Variants in NSG2 observed in about 807,000 individuals in gnomAD.
NSG2 encodes the protein neuronal vesicle trafficking-associated protein 2.
Under a neutral mutation model 16.9 loss-of-function variants are expected in NSG2, and 4 were observed. The ratio of observed to expected loss-of-function variants is 0.24; its 90% CI spans 0.12 to 0.54. The LOEUF is 0.54. Ranked by LOEUF, NSG2 falls within the 20% of genes least tolerant of loss-of-function variation. NSG2 has a pLI of 0.95. For synonymous variants in NSG2, 98 were observed against 88.7 expected (o/e 1.11, Z -0.59); for missense variants, 179 against 221.1 (o/e 0.81, Z 1.21).
Position 174,104,256 on chromosome 5 carries a change from C to T in NSG2, c.242C>T (p.Ala81Val), listed in dbSNP as rs960281969. 6.2e-7 allele frequency: 1 copy of T among 1,614,048 alleles called. No individual in the cohort carries two copies. Among genetic ancestry groups the T allele is most frequent in the African/African-American group, 1.3e-5 (1 of 74,926 alleles). ...TVTILVSLAL[A>V]FLACIVFLVV... is the part of the protein sequence containing the mutation. ...ACCATCCTTGTCAGCCTGGCCCTAG[C>T]TTTCCTTGCGTGCATCGTGTTCCTG... is the stretch of plus-strand genomic sequence containing the variant. Residue 81 changes from alanine (A) to valine (V), a missense_variant, in exon 4 of 5, where the codon GCT becomes GTT. Physicochemically the swap from Ala to Val is moderately conservative, Grantham distance 64. Coordinates refer to ENST00000303177, the MANE Select transcript of NSG2 (RefSeq NM_015980.5).
intron 3 of NSG2, among the ~76,000 whole-genome samples, chr5:174,069,296 G>A (rs1760196622): frequency 6.6e-6 from 1 of 152,176 alleles, no homozygotes; most frequent in South Asian, 2.1e-4. Flanking sequence ...GCTGAGGAGG[G>A]TACTGAGGCT....
At chr5:174,094,373 A>G (rs1380755669) in intron 3 of NSG2, among the ~76,000 whole-genome samples, 1 of 152,222 alleles carries the variant, frequency 6.6e-6, no homozygotes. Flanking sequence ...TGGGCCAGTA[A>G]TACCAGGCAA....
At chr5:174,073,747 G>A (rs1455428185) in intron 3 of NSG2, among the ~76,000 whole-genome samples, 4 of 152,148 alleles carry the variant, frequency 2.6e-5, no homozygotes, top group Non-Finnish European at 5.9e-5. Context: ...GATGAGAGAC[G>A]GGGTGATTCA....
At chr5:174,100,177 C>T (rs759216905) in intron 3 of NSG2, among the ~76,000 whole-genome samples, 1 of 152,214 alleles carries the variant, frequency 6.6e-6, no homozygotes, top group Non-Finnish European at 1.5e-5. Context: ...GGCTGGGCTG[C>T]ACCCGTAGCA....
intron 1 of NSG2, among the ~76,000 whole-genome samples, chr5:174,046,456 AC>A (rs1759797797): frequency 6.6e-6 from 1 of 152,078 alleles, no homozygotes; most frequent in South Asian, 2.1e-4. Context: ...TTTGTTTTAC[AC>A]TTATATTTTT....
At chr5:174,067,262 A>T (rs889168149) in intron 3 of NSG2, among the ~76,000 whole-genome samples, 6 of 152,128 alleles carry the variant, frequency 3.9e-5, no homozygotes, top group African/African-American at 1.2e-4. Context: ...TATGTGAGAG[A>T]TTGATATAAT....
intron 2 of NSG2, among the ~76,000 whole-genome samples, chr5:174,059,637 C>T (rs1760018964): frequency 6.6e-6 from 1 of 152,076 alleles, no homozygotes; most frequent in African/African-American, 2.4e-5. Flanking sequence ...AGGTATTTGC[C>T]CCTATAACTG....
chr5:174,062,149 A>G (rs1760063244), intron 2 of NSG2, among the ~76,000 whole-genome samples: 1 of 152,118 alleles, frequency 6.6e-6, no homozygotes, highest in Non-Finnish European at 1.5e-5. Context: ...ATGCCTCCCA[A>G]CAATCCAACG....
chr5:174,070,045 T>C (rs1760209648), intron 3 of NSG2, among the ~76,000 whole-genome samples: 1 of 151,924 alleles, frequency 6.6e-6, no homozygotes, highest in African/African-American at 2.4e-5. Flanking sequence ...GCTCGGCTAA[T>C]TTAAAAAGGT....
chr5:174,093,186 C>T (rs528398847), intron 3 of NSG2, among the ~76,000 whole-genome samples: 1 of 152,212 alleles, frequency 6.6e-6, no homozygotes, highest in South Asian at 2.1e-4. Flanking sequence ...ACAATGGGCA[C>T]ACTGATAGCA....
At chr5:174,046,233 T>G (rs546573276) in intron 1 of NSG2, 1 of 153,188 alleles carries the variant, frequency 6.5e-6, no homozygotes, top group South Asian at 2.1e-4. Flanking sequence ...CCACATATGA[T>G]GTAACAGGGT....
chr5:174,074,316 G>T (rs764150251), intron 3 of NSG2, among the ~76,000 whole-genome samples: 4 of 152,186 alleles, frequency 2.6e-5, no homozygotes, highest in Non-Finnish European at 5.9e-5. Context: ...CTCGATAAAC[G>T]TGAGCTTCCT....
At chr5:174,064,360 G>C in intron 3 of NSG2, 45 bp downstream of exon 3, 3 of 1,370,454 alleles carry the variant, frequency 2.2e-6, no homozygotes, top group Non-Finnish European at 3.1e-6. Flanking sequence ...GGAGAGGCTG[G>C]CTCCAGCCAG....
At chr5:174,058,183 A>G (rs1430061866) in intron 2 of NSG2, among the ~76,000 whole-genome samples, 1 of 152,180 alleles carries the variant, frequency 6.6e-6, no homozygotes, top group Non-Finnish European at 1.5e-5. Flanking sequence ...CTGGGGCAGG[A>G]GGGTCAAGGG....
chr5:174,048,125 A>AC (rs1343989989), intron 2 of NSG2, among the ~76,000 whole-genome samples: 2 of 152,234 alleles, frequency 1.3e-5, no homozygotes, highest in Non-Finnish European at 2.9e-5. Flanking sequence ...ATCCTAAGGA[A>AC]CTGGTAAAGC....
At chr5:174,047,185 A>C (rs909632324) in intron 2 of NSG2, among the ~76,000 whole-genome samples, 1 of 152,220 alleles carries the variant, frequency 6.6e-6, no homozygotes, top group African/African-American at 2.4e-5. Context: ...TGGTGACAGA[A>C]AATTCATCTT....
chr5:174,084,974 T>C (rs1760579427), intron 3 of NSG2, among the ~76,000 whole-genome samples: 1 of 152,192 alleles, frequency 6.6e-6, no homozygotes, highest in South Asian at 2.1e-4. Flanking sequence ...CCATCTTTTT[T>C]GGAGCCAGGA....
intron 4 of NSG2, among the ~76,000 whole-genome samples, chr5:174,105,900 C>T (rs1354936879): frequency 6.7e-6 from 1 of 149,830 alleles, no homozygotes; most frequent in African/African-American, 2.5e-5. Context: ...GACTCTGTCT[C>T]AAAAAAAAAG....
intron 4 of NSG2, among the ~76,000 whole-genome samples, chr5:174,106,955 C>T (rs1760992858): frequency 6.6e-6 from 1 of 152,146 alleles, no homozygotes; most frequent in South Asian, 2.1e-4. Flanking sequence ...TAGTCATTGG[C>T]TGTGAACAAC....
Sources: allele counts gnomAD v4.1 joint callset (sites outside exome capture counted in the v4.1 genomes callset), GRCh38; gene constraint gnomAD v4.1.1; transcripts MANE v1.5; gene names NCBI Gene and HGNC (gene_info 2026-07-23, HGNC 2026-07-21).